OPRM1: variants seen among roughly 807,000 people sequenced by gnomAD.
OPRM1 encodes mu-type opioid receptor.
A neutral mutation model predicts 31.8 loss-of-function variants in OPRM1; 27 were observed. The observed-to-expected ratio is 0.85, with a 90% CI of 0.63 to 1.17. The LOEUF (loss-of-function observed/expected upper bound fraction) is 1.17, where lower values mean the gene tolerates loss of function less well. Among genes scored for constraint, OPRM1 ranks in the 50% most tolerant of loss-of-function variants. The pLI, the probability that OPRM1 is intolerant of heterozygous loss-of-function variation, is 0.00. For synonymous variants in OPRM1, 196 were observed against 189.9 expected (o/e 1.03, Z -0.26); for missense variants, 536 against 511.1 (o/e 1.05, Z -0.47).
chr6:154,041,956 G>T (rs190121721), intron 1 of OPRM1, among the ~76,000 whole-genome samples: 2 of 152,190 alleles, frequency 1.3e-5, no homozygotes, highest in Non-Finnish European at 2.9e-5. Context: ...TCTTATTCCA[G>T]TGTAGAAGAG....
At chr6:154,087,076 CTCTA>C (rs748462253) in intron 1 of OPRM1, 72 of 984,254 alleles carry the variant, frequency 7.3e-5, no homozygotes, top group African/African-American at 8.7e-5. Context: ...AGTTAAATGG[CTCTA>C]TCTTTTTCTT....
chr6:154,092,613 C>T (rs1441838318), intron 3 of OPRM1, among the ~76,000 whole-genome samples: 1 of 152,182 alleles, frequency 6.6e-6, no homozygotes, highest in Non-Finnish European at 1.5e-5. Flanking sequence ...CAGTGGCTTC[C>T]TCCTGCTGTC....
chr6:154,112,351 TACTC>T (rs1360124377), intron 3 of OPRM1, among the ~76,000 whole-genome samples: 5 of 152,230 alleles, frequency 3.3e-5, no homozygotes, highest in Non-Finnish European at 5.9e-5. Flanking sequence ...AACCACTTAT[TACTC>T]ACAGCACAGT....
At chr6:154,048,350 G>C (rs1184831603) in intron 1 of OPRM1, among the ~76,000 whole-genome samples, 2 of 151,294 alleles carry the variant, frequency 1.3e-5, no homozygotes, top group Non-Finnish European at 2.9e-5. Context: ...AATGTTTCTT[G>C]TTCTTCAAGT....
In OPRM1 at chr6:154,039,793, G is replaced by T; in HGVS notation, c.249G>T (p.Val83=). The stretch of plus-strand genomic sequence containing the variant: ...CCCTCTACTCCATCGTGTGCGTGGT[G>T]GGGCTCTTCGGAAACTTCCTGGTCA... The part of the protein sequence containing the change: ...IMALYSIVCV[V]GLFGNFLVMY... The change falls in exon 1 of 4, where the codon GTG becomes GTT. Residue 83 remains valine (V), a synonymous_variant. Coordinates refer to ENST00000330432, the MANE Select transcript of OPRM1 (RefSeq NM_000914.5). 1 of 1,598,016 alleles carries T rather than the reference G, an allele frequency of 6.3e-7. No homozygotes were observed. Among genetic ancestry groups the T allele is most frequent in the Non-Finnish European group, 8.5e-7 (1 of 1,177,812 alleles).
chr6:154,088,292 G>A (rs1298055794), intron 1 of OPRM1, among the ~76,000 whole-genome samples: 1 of 152,240 alleles, frequency 6.6e-6, no homozygotes, highest in Admixed American at 6.5e-5. Flanking sequence ...AGCAAACCAA[G>A]ATCAGCAATT....
chr6:154,236,307 T>C (rs907249483), intron 3 of OPRM1, among the ~76,000 whole-genome samples: 5 of 152,300 alleles, frequency 3.3e-5, no homozygotes, highest in Non-Finnish European at 5.9e-5. Context: ...AGGATAAATA[T>C]TGTATGATTC....
chr6:154,117,114 G>A (rs1796961786), intron 3 of OPRM1, among the ~76,000 whole-genome samples: 1 of 152,144 alleles, frequency 6.6e-6, no homozygotes, highest in Non-Finnish European at 1.5e-5. Flanking sequence ...CAACAGGTAG[G>A]ACAGAGGTGG....
At chr6:154,217,673 T>A (rs1271471496) in intron 3 of OPRM1, among the ~76,000 whole-genome samples, 2 of 152,246 alleles carry the variant, frequency 1.3e-5, no homozygotes, top group East Asian at 1.9e-4. Flanking sequence ...GTTCATTTTT[T>A]AAAATTGACC....
In OPRM1 at chr6:154,119,187, C is replaced by G. The variant is rs1583620013; in HGVS notation, c.*466C>G. The G allele has an allele frequency of 2.0e-6, 2 of 986,688 alleles. No homozygotes were observed. The highest frequency in any genetic ancestry group is 1.7e-5 in the African/African-American group (1 of 57,252). 61.1% of individuals were successfully genotyped at this position (986,688 alleles called of 1,614,324 possible). On this transcript the variant is annotated 3_prime_UTR_variant, in exon 4 of 4. Transcript: ENST00000330432. ...TTTAGTGTTTTGCAAGGGAATGAAT[C>G]CATTATTCTATTTTAGACTTTTAAC...
chr6:154,116,594 A>T (rs1194229410), intron 3 of OPRM1, among the ~76,000 whole-genome samples: 1 of 151,972 alleles, frequency 6.6e-6, no homozygotes. Flanking sequence ...CAAAAAAAAA[A>T]AAAAAAGAAA....
intron 3 of OPRM1, among the ~76,000 whole-genome samples, chr6:154,153,583 G>A (rs539668350): frequency 9.2e-5 from 14 of 152,098 alleles, no homozygotes; most frequent in Admixed American, 2.0e-4. Context: ...TACTCAGGAG[G>A]CTGAGGCAGG....
chr6:154,160,729 T>C (rs1798940531), intron 3 of OPRM1, among the ~76,000 whole-genome samples: 1 of 152,182 alleles, frequency 6.6e-6, no homozygotes, highest in Non-Finnish European at 1.5e-5. Flanking sequence ...ATAAATAAGA[T>C]GTTCATCCTC....
intron 1 of OPRM1, among the ~76,000 whole-genome samples, chr6:154,031,173 T>A (rs1467885022): frequency 6.6e-6 from 1 of 152,210 alleles, no homozygotes; most frequent in African/African-American, 2.4e-5. Flanking sequence ...AAATGCAATA[T>A]CTTACTGTTA....
intron 1 of OPRM1, among the ~76,000 whole-genome samples, chr6:154,079,050 A>G (rs573935745): frequency 6.6e-6 from 1 of 152,282 alleles, no homozygotes; most frequent in Admixed American, 6.5e-5. Context: ...AGGATAGGAG[A>G]AAGAGAGCAA....
intron 1 of OPRM1, among the ~76,000 whole-genome samples, chr6:154,058,294 A>C (rs1583281212): frequency 1.3e-5 from 2 of 152,230 alleles, no homozygotes; most frequent in South Asian, 4.1e-4. Context: ...TGTTTGGTAT[A>C]GCTCTCATGT....
intron 1 of OPRM1, among the ~76,000 whole-genome samples, chr6:154,031,348 C>G (rs1164831878): frequency 6.6e-6 from 1 of 152,028 alleles, no homozygotes; most frequent in African/African-American, 2.4e-5. Context: ...ACTCTCCTGG[C>G]AACCAGTTGC....
intron 3 of OPRM1, chr6:154,108,467 C>T (rs1795938766): frequency 6.5e-6 from 1 of 153,192 alleles, no homozygotes; most frequent in African/African-American, 2.4e-5. Context: ...TGTAGAAGTT[C>T]AGGCAGCTGC....
intron 3 of OPRM1, chr6:154,221,450 A>AG: frequency 1.3e-6 from 1 of 761,196 alleles, no homozygotes; most frequent in Non-Finnish European, 2.1e-6. Context: ...AAATTTACAA[A>AG]AAATAATTTA....
Sources: allele counts gnomAD v4.1 joint callset (sites outside exome capture counted in the v4.1 genomes callset), GRCh38; gene constraint gnomAD v4.1.1; transcripts MANE v1.5; gene names NCBI Gene and HGNC (gene_info 2026-07-23, HGNC 2026-07-21).